Variants in PTGER1 observed in about 807,000 individuals in gnomAD.
PTGER1 encodes the protein prostaglandin E receptor 1.
In PTGER1, 15 loss-of-function variants were observed where a neutral mutation model predicts 18.5. The observed-to-expected ratio is 0.81, with a 90% CI of 0.54 to 1.25. The LOEUF (loss-of-function observed/expected upper bound fraction) is 1.25. Among genes scored for constraint, PTGER1 ranks in the 50% most tolerant of loss-of-function variants. The pLI is 0.00. For synonymous variants in PTGER1, 339 were observed against 308.4 expected (o/e 1.10, Z -1.04); for missense variants, 567 against 603.4 (o/e 0.94, Z 0.63).
At position 14,473,997 on chromosome 19, in the gene PTGER1, C is replaced by T. The variant is rs1324900328; in HGVS notation, c.324G>A (p.Gly108=). The T allele has an allele frequency of 2.7e-6, 4 of 1,500,334 alleles. No homozygotes were observed. The highest frequency in any genetic ancestry group is 2.1e-5 in the Admixed American group (1 of 48,354). The allele number at this position is 1,500,334 out of a possible 1,614,324, so 92.9% of individuals were successfully genotyped here. Reference sequence around the variant, plus strand: ...TGCAGCCGCCCAGGAAGTGGCAGGCCCCGCCGGCCGGAGCGCGCCCCGCAG... The same window carrying T: ...TGCAGCCGCCCAGGAAGTGGCAGGCTCCGCCGGCCGGAGCGCGCCCCGCAG... ...LYTAGRAPAG[G]ACHFLGGCMV... Residue 108 remains glycine (G), a synonymous_variant, in exon 2 of 3, where the codon GGG becomes GGA. Coordinates refer to ENST00000292513, the MANE Select transcript of PTGER1 (RefSeq NM_000955.3). The surrounding 1 kb of genome is among the most constrained non-coding windows in gnomAD (Gnocchi z 7.1).
chr19:14,473,597 G>T lies in PTGER1; in HGVS notation c.724C>A (p.Pro242Thr). 2 of 1,470,268 alleles carry T rather than the reference G, an allele frequency of 1.4e-6. No homozygotes were observed. Among genetic ancestry groups the T allele is most frequent in the Non-Finnish European group, 8.9e-7 (1 of 1,121,130 alleles). The allele number at this position is 1,470,268 out of a possible 1,614,324, so 91.1% of individuals were successfully genotyped here. ...CGGCTGTCGGGGCCTGAGGCCGGGG[G>T]AGGCCGTCGGGAGCGGCGTCGCCAG... ...ARWRRRSRRP[P>T]PASGPDSRRR... The change falls in exon 2 of 3, where the codon CCC becomes ACC. Residue 242 changes from proline to threonine, a missense_variant. Coordinates refer to ENST00000292513, the MANE Select transcript of PTGER1 (RefSeq NM_000955.3). The surrounding 1 kb of genome is among the most constrained non-coding windows in gnomAD (Gnocchi z 7.1).
rs1390260305 is a variant in PTGER1, at chr19:14,474,048, C to T, written c.273G>A (p.Pro91=). The change falls in exon 2 of 3, where the codon CCG becomes CCA. Residue 91 remains proline (P), a synonymous_variant. Transcript: ENST00000292513. The surrounding 1 kb of genome is among the most constrained non-coding windows in gnomAD (Gnocchi z 5.4). ...TGTACAGACGCAGCACCAGCGCGCC[C>T]GGGATCACGTGGCCCGCCAGGTCGG... ...LATDLAGHVI[P]GALVLRLYTA... is the part of the protein sequence containing the mutation. The T allele has an allele frequency of 3.3e-6, 5 of 1,497,670 alleles. No individual in the cohort carries two copies. The highest frequency in any genetic ancestry group is 4.4e-6 in the Non-Finnish European group (5 of 1,128,762). 92.8% of individuals were successfully genotyped at this position (1,497,670 alleles called of 1,614,324 possible). A position where few individuals can be genotyped will look rare whatever the true frequency, so the allele number is the denominator to read the frequency against.
chr19:14,472,794 G>A lies in PTGER1; in HGVS notation c.975C>T (p.Ser325=). ...VLVALAVGGW[S]STSLQRPLFL... is the part of the protein sequence containing the mutation. Reference sequence around the variant, plus strand: ...ACAGTGGCCGCTGCAGGGAGGTAGAGCTCCAGCCGCCGACGGCCAGCGCCA... The same window carrying A: ...ACAGTGGCCGCTGCAGGGAGGTAGAACTCCAGCCGCCGACGGCCAGCGCCA... The change falls in exon 3 of 3, where the codon AGC becomes AGT. Residue 325 remains serine, a synonymous_variant. Transcript: ENST00000292513. The A allele has an allele frequency of 6.4e-7, 1 of 1,564,764 alleles. No individual in the cohort carries two copies. Among genetic ancestry groups the A allele is most frequent in the Non-Finnish European group, 8.6e-7 (1 of 1,157,534 alleles).
chr19:14,473,565 GC>G lies in PTGER1; in HGVS notation c.755del (p.Arg252ProfsTer130). 1 of 1,508,890 alleles carries G rather than the reference GC, an allele frequency of 6.6e-7. No individual in the cohort carries two copies. Among genetic ancestry groups the G allele is most frequent in the South Asian group, 1.2e-5 (1 of 81,114 alleles). The allele number at this position is 1,508,890 out of a possible 1,614,324, so 93.5% of individuals were successfully genotyped here. ...CCGAGCGGGGTCCGTGCGCCCCCCA[GC>G]GACGCCGGCTGTCGGGGCCTGAGGC... ...PPASGPDSRRRWGAHGPRSAS... is the reference protein window; with the variant it reads ...PPASGPDSRRXWGAHGPRSAS... On this transcript the variant is annotated frameshift_variant, in exon 2 of 3. Coordinates refer to ENST00000292513, the MANE Select transcript of PTGER1 (RefSeq NM_000955.3). LOFTEE classifies it high-confidence loss of function. This position sits in a 1 kb window ranked among gnomAD's most constrained non-coding sequence, Gnocchi z 7.1.
Position 14,472,585 on chromosome 19 carries a change from C to T in PTGER1, c.1184G>A (p.Arg395Gln), listed in dbSNP as rs767587643. ...AWEASSLRSS[R>Q]HSGLSHF ...TTAGAAGTGGCTGAGGCCGCTGTGC[C>T]GGGAGCTGCGCAGCGAGCTGGCCTC... Residue 395 changes from arginine (R) to glutamine (Q), a missense_variant, in exon 3 of 3, where the codon CGG (arginine) becomes CAG (glutamine). Transcript: ENST00000292513. 27 of 1,592,910 alleles carry T rather than the reference C, an allele frequency of 1.7e-5. No individual in the cohort carries two copies. In the East Asian group the frequency reaches 4.9e-4, roughly 29 times the overall value.
Position 14,472,730 on chromosome 19 carries a change from C to G in PTGER1, c.1039G>C (p.Asp347His), listed in dbSNP as rs773214400. Residue 347 changes from aspartate (D) to histidine (H), a missense_variant, in exon 3 of 3, where the codon GAC becomes CAC. Coordinates refer to ENST00000292513, the MANE Select transcript of PTGER1 (RefSeq NM_000955.3). ...CGCAGTAGGATGTACACCCAAGGGT[C>G]CAGGATCTGGTTCCAGGAGGCAAGG... ...VRLASWNQIL[D>H]PWVYILLRQA... is the part of the protein sequence containing the mutation. 6.2e-6 allele frequency: 10 copies of G among 1,609,956 alleles called. No individual in the cohort carries two copies. Among genetic ancestry groups the G allele is most frequent in the Non-Finnish European group, 7.6e-6 (9 of 1,178,204 alleles).
chr19:14,473,669 C>A lies in PTGER1; in HGVS notation c.652G>T (p.Ala218Ser). The change falls in exon 2 of 3, where the codon GCG becomes TCG. Residue 218 changes from alanine (A) to serine (S), a missense_variant. Transcript: ENST00000292513. The surrounding 1 kb of genome is among the most constrained non-coding windows in gnomAD (Gnocchi z 7.1). ...ASLGLVALLAALVCNTLSGLA... is the reference protein window; with the variant it reads ...ASLGLVALLASLVCNTLSGLA... ...CCGCTGAGCGTGTTGCACACCAGCG[C>A]GGCGAGGAGCGCGACCAGGCCGAGG... is the stretch of plus-strand genomic sequence containing the variant. The A allele has an allele frequency of 6.8e-7, 1 of 1,475,796 alleles. No homozygotes were observed. Among genetic ancestry groups the A allele is most frequent in the Non-Finnish European group, 8.9e-7 (1 of 1,120,178 alleles). The allele number at this position is 1,475,796 out of a possible 1,614,324, so 91.4% of individuals were successfully genotyped here.
Position 14,474,435 on chromosome 19 carries a change from T to C in PTGER1, c.-17-98A>G, listed in dbSNP as rs961753878. 4.6e-6 allele frequency: 6 copies of C among 1,306,336 alleles called. No individual in the cohort carries two copies. Among genetic ancestry groups the C allele is most frequent in the Non-Finnish European group, 5.9e-6 (6 of 1,009,140 alleles). 80.9% of individuals were successfully genotyped at this position (1,306,336 alleles called of 1,614,324 possible). A position where few individuals can be genotyped will look rare whatever the true frequency, so the allele number is the denominator to read the frequency against. ...GAACATCAGGGCCTGTTTGACTCCA[T>C]GGCGTTCTCAGGCGGCCCCTCTGCC... On this transcript the variant is annotated intron_variant, in intron 1 of 2. Transcript: ENST00000292513. The surrounding 1 kb of genome is among the most constrained non-coding windows in gnomAD (Gnocchi z 5.4).
rs1012896948 is a variant in PTGER1, at chr19:14,474,008, G to C, written c.313C>G (p.Pro105Ala). ...VLRLYTAGRAPAGGACHFLGG... is the reference protein window; with the variant it reads ...VLRLYTAGRAAAGGACHFLGG... ...AGGAAGTGGCAGGCCCCGCCGGCCG[G>C]AGCGCGCCCCGCAGTGTACAGACGC... Residue 105 changes from proline to alanine, a missense_variant, in exon 2 of 3, where the codon CCG (proline) becomes GCG (alanine). Physicochemically the swap from Pro to Ala is conservative, Grantham distance 27. Transcript: ENST00000292513. The surrounding 1 kb of genome is among the most constrained non-coding windows in gnomAD (Gnocchi z 5.4). 17 of 1,501,440 alleles carry C rather than the reference G, an allele frequency of 1.1e-5. No individual in the cohort carries two copies. Among genetic ancestry groups the C allele is most frequent in the Non-Finnish European group, 1.5e-5 (17 of 1,129,874 alleles). 93.0% of individuals were successfully genotyped at this position (1,501,440 alleles called of 1,614,324 possible).
rs1463795646 is a variant in PTGER1, at chr19:14,472,793, A to C, written c.976T>G (p.Ser326Ala). ...AACAGTGGCCGCTGCAGGGAGGTAGAGCTCCAGCCGCCGACGGCCAGCGCC... is the reference window on the plus strand; with the variant it reads ...AACAGTGGCCGCTGCAGGGAGGTAGCGCTCCAGCCGCCGACGGCCAGCGCC... ...LVALAVGGWS[S>A]TSLQRPLFLA... The change falls in exon 3 of 3, where the codon TCT becomes GCT. Residue 326 changes from serine to alanine, a missense_variant. Transcript: ENST00000292513. The C allele has an allele frequency of 3.8e-6, 6 of 1,566,068 alleles. No individual in the cohort carries two copies. In the South Asian group the frequency reaches 4.7e-5, roughly 12 times the overall value.
Position 14,473,857 on chromosome 19 carries a change from C to G in PTGER1, c.464G>C (p.Arg155Pro). Residue 155 changes from arginine to proline, a missense_variant, in exon 2 of 3, where the codon CGC (arginine) becomes CCC (proline). Arg to Pro is a moderately radical substitution (Grantham distance 103). Coordinates refer to ENST00000292513, the MANE Select transcript of PTGER1 (RefSeq NM_000955.3). This position sits in a 1 kb window ranked among gnomAD's most constrained non-coding sequence, Gnocchi z 7.1. ...HAARVSVARARLALAAVAAVA... is the reference protein window; with the variant it reads ...HAARVSVARAPLALAAVAAVA... ...CGCGGCCACCGCGGCCAGCGCCAGGCGCGCGCGGGCGACCGAGACCCGCGC... is the reference window on the plus strand; with the variant it reads ...CGCGGCCACCGCGGCCAGCGCCAGGGGCGCGCGGGCGACCGAGACCCGCGC... 8.2e-7 allele frequency: 1 copy of G among 1,226,746 alleles called. No individual in the cohort carries two copies. Among genetic ancestry groups the G allele is most frequent in the Non-Finnish European group, 1.0e-6 (1 of 989,770 alleles). 76.0% of individuals were successfully genotyped at this position (1,226,746 alleles called of 1,614,324 possible).
chr19:14,474,012 G>C lies in PTGER1; in HGVS notation c.309C>G (p.Arg103=). Residue 103 remains arginine, a synonymous_variant, in exon 2 of 3, where the codon CGC becomes CGG. Coordinates refer to ENST00000292513, the MANE Select transcript of PTGER1 (RefSeq NM_000955.3). This position sits in a 1 kb window ranked among gnomAD's most constrained non-coding sequence, Gnocchi z 5.4. The part of the protein sequence containing the change: ...ALVLRLYTAG[R]APAGGACHFL... ...AGTGGCAGGCCCCGCCGGCCGGAGC[G>C]CGCCCCGCAGTGTACAGACGCAGCA... is the stretch of plus-strand genomic sequence containing the variant. The C allele has an allele frequency of 6.7e-7, 1 of 1,500,200 alleles. No homozygotes were observed. Among genetic ancestry groups the C allele is most frequent in the Non-Finnish European group, 8.9e-7 (1 of 1,129,350 alleles). The allele number at this position is 1,500,200 out of a possible 1,614,324, so 92.9% of individuals were successfully genotyped here. A position where few individuals can be genotyped will look rare whatever the true frequency, so the allele number is the denominator to read the frequency against.
chr19:14,473,489 C>T lies in PTGER1; in HGVS notation c.832G>A (p.Gly278Ser). ...CGTGCCGAGCCGCTGCTCCGAGAGCCGCCAAAGAAGGTGGAGGCCGAAGCG... is the reference window on the plus strand; with the variant it reads ...CGTGCCGAGCCGCTGCTCCGAGAGCTGCCAAAGAAGGTGGAGGCCGAAGCG... ...SIASASTFFG[G>S]SRSSGSARRA... The change falls in exon 2 of 3, where the codon GGC becomes AGC. Residue 278 changes from glycine to serine, a missense_variant. Transcript: ENST00000292513. The surrounding 1 kb of genome is among the most constrained non-coding windows in gnomAD (Gnocchi z 7.1). 1.3e-6 allele frequency: 2 copies of T among 1,586,120 alleles called. No homozygotes were observed. The highest frequency in any genetic ancestry group is 1.7e-6 in the Non-Finnish European group (2 of 1,169,842).
In PTGER1 at chr19:14,473,801, CCAGCGG is replaced by C; in HGVS notation, c.514_519del (p.Pro172_Leu173del). 7.1e-7 allele frequency: 1 copy of C among 1,409,652 alleles called. No homozygotes were observed. Among genetic ancestry groups the C allele is most frequent in the Non-Finnish European group, 9.2e-7 (1 of 1,081,570 alleles). 87.3% of individuals were successfully genotyped at this position (1,409,652 alleles called of 1,614,324 possible). A position where few individuals can be genotyped will look rare whatever the true frequency, so the allele number is the denominator to read the frequency against. The stretch of plus-strand genomic sequence containing the variant: ...TGCAGCTCATAGCGGCCCACGCGCG[CCAGCGG>C]CAGCAGCGCCACGGCCAAGGCCACC... On this transcript the variant is annotated inframe_deletion, in exon 2 of 3. Coordinates refer to ENST00000292513, the MANE Select transcript of PTGER1 (RefSeq NM_000955.3). The surrounding 1 kb of genome is among the most constrained non-coding windows in gnomAD (Gnocchi z 7.1).
In PTGER1 at chr19:14,474,238, G is replaced by A. The variant is rs940316265; in HGVS notation, c.83C>T (p.Ala28Val). 1.8e-5 allele frequency: 28 copies of A among 1,528,494 alleles called. No individual in the cohort carries two copies. Among genetic ancestry groups the A allele is most frequent in the African/African-American group, 4.2e-5 (3 of 71,964 alleles). 94.7% of individuals were successfully genotyped at this position (1,528,494 alleles called of 1,614,324 possible). A position where few individuals can be genotyped will look rare whatever the true frequency, so the allele number is the denominator to read the frequency against. ...GGGCGAAGCGCCCGACGGCGGCACGGCCGACGTGTTGGGGACCCAGGGCGC... is the reference window on the plus strand; with the variant it reads ...GGGCGAAGCGCCCGACGGCGGCACGACCGACGTGTTGGGGACCCAGGGCGC... The part of the protein sequence containing the change: ...CAAPWVPNTS[A>V]VPPSGASPAL... Residue 28 changes from alanine (A) to valine (V), a missense_variant, in exon 2 of 3, where the codon GCC becomes GTC. Coordinates refer to ENST00000292513, the MANE Select transcript of PTGER1 (RefSeq NM_000955.3). The surrounding 1 kb of genome is among the most constrained non-coding windows in gnomAD (Gnocchi z 5.4).
rs774282587 is a variant in PTGER1, at chr19:14,472,562, A to T, written c.1207T>A (p.Ter403LysextTer?). Residue 403 changes from the stop codon to lysine, a stop_lost, in exon 3 of 3, where the codon TAA becomes AAA. Transcript: ENST00000292513. ...AGTCGTTGGGCCTCTGGTTGTGCTT[A>T]GAAGTGGCTGAGGCCGCTGTGCCGG... ...SSRHSGLSHF[*>K] 5 of 1,574,166 alleles carry T rather than the reference A, an allele frequency of 3.2e-6. No individual in the cohort carries two copies. The highest frequency in any genetic ancestry group is 3.4e-6 in the Non-Finnish European group (4 of 1,164,606).
rs200681227 is a variant in PTGER1 at position 14,473,933 on chromosome 19, C to T, written c.388G>A (p.Gly130Ser). The change falls in exon 2 of 3, where the codon GGC becomes AGC. Residue 130 changes from glycine (G) to serine (S), a missense_variant. Coordinates refer to ENST00000292513, the MANE Select transcript of PTGER1 (RefSeq NM_000955.3). The surrounding 1 kb of genome is among the most constrained non-coding windows in gnomAD (Gnocchi z 7.1). ...CCCACGCAGCGCTCCACGGCCATGCCACAGCCCAGCAGCAGCGGGCACAGG... is the reference window on the plus strand; with the variant it reads ...CCCACGCAGCGCTCCACGGCCATGCTACAGCCCAGCAGCAGCGGGCACAGG... Reference protein sequence around the residue: ...FGLCPLLLGCGMAVERCVGVT... With the variant: ...FGLCPLLLGCSMAVERCVGVT... 134 of 1,463,148 alleles carry T rather than the reference C, an allele frequency of 9.2e-5. No individual in the cohort carries two copies. The African/African-American group carries it at 1.8e-3, about 20-fold the overall frequency. The allele number at this position is 1,463,148 out of a possible 1,614,324, so 90.6% of individuals were successfully genotyped here.
At position 14,473,072 on chromosome 19, in the gene PTGER1, G is replaced by A. The variant is rs2071580756; in HGVS notation, c.943-246C>T. The stretch of plus-strand genomic sequence containing the variant: ...GTCCCGGAAAGAGGAAAAGCAAGGG[G>A]GTTGGGTGAAAGGACTAGGGAATGA... On this transcript the variant is annotated intron_variant, in intron 2 of 2. Coordinates refer to ENST00000292513, the MANE Select transcript of PTGER1 (RefSeq NM_000955.3). This position sits in a 1 kb window ranked among gnomAD's most constrained non-coding sequence, Gnocchi z 7.1. Among the ~76,000 whole-genome samples the A allele has an allele frequency of 6.6e-6, 1 of 152,120 alleles. No homozygotes were observed. The highest frequency in any genetic ancestry group is 2.1e-4 in the South Asian group (1 of 4,824).
rs951301805 is a variant in PTGER1, at chr19:14,474,081, C to T, written c.240G>A (p.Leu80=). The T allele has an allele frequency of 2.0e-5, 30 of 1,489,052 alleles. No homozygotes were observed. The highest frequency in any genetic ancestry group is 2.5e-5 in the South Asian group (2 of 79,766). The allele number at this position is 1,489,052 out of a possible 1,614,324, so 92.2% of individuals were successfully genotyped here. A position where few individuals can be genotyped will look rare whatever the true frequency, so the allele number is the denominator to read the frequency against. The change falls in exon 2 of 3, where the codon CTG becomes CTA. Residue 80 remains leucine, a synonymous_variant. Transcript: ENST00000292513. The surrounding 1 kb of genome is among the most constrained non-coding windows in gnomAD (Gnocchi z 5.4). ...CGTGGCCCGCCAGGTCGGTGGCCAG[C>T]AGGCTGGCCACGAACAGCAGGAAGG... ...AATFLLFVAS[L]LATDLAGHVI...
Sources: allele counts gnomAD v4.1 joint callset (sites outside exome capture counted in the v4.1 genomes callset), GRCh38; gene constraint gnomAD v4.1.1; non-coding constraint Gnocchi (gnomAD v3.1); transcripts MANE v1.5; gene names NCBI Gene and HGNC (gene_info 2026-07-23, HGNC 2026-07-21).